Variants in NSMCE2 observed in about 807,000 individuals in gnomAD.
The protein encoded by NSMCE2 is NSE2 SUMO ligase component of SMC5/6 complex.
In NSMCE2, 24 loss-of-function variants were observed where a neutral mutation model predicts 23.8. The observed-to-expected ratio is 1.01, with a 90% CI of 0.73 to 1.42. The LOEUF is 1.42. Among genes scored for constraint, NSMCE2 ranks in the 40% most tolerant of loss-of-function variants. NSMCE2 has a pLI of 0.00. For missense variants in NSMCE2, 284 were observed against 296.5 expected, an observed-to-expected ratio of 0.96 and a Z score of 0.31; for synonymous variants, 92 against 94.1, an observed-to-expected ratio of 0.98 and a Z score of 0.13.
chr8:125,210,696 CCCCAGGT>C (rs1824293150), intron 5 of NSMCE2, among the ~76,000 whole-genome samples: 1 of 151,806 alleles, frequency 6.6e-6, no homozygotes, highest in Non-Finnish European at 1.5e-5. Context: ...GCCATCTCTT[CCCCAGGT>C]TGATTTCTTT....
chr8:125,359,312 T>C (rs1813424032), intron 7 of NSMCE2, among the ~76,000 whole-genome samples: 1 of 147,594 alleles, frequency 6.8e-6, no homozygotes, highest in Non-Finnish European at 1.5e-5. Flanking sequence ...TTAAATGGCA[T>C]GCTTTCTTGC....
intron 5 of NSMCE2, among the ~76,000 whole-genome samples, chr8:125,201,157 G>C (rs982974783): frequency 6.6e-6 from 1 of 152,196 alleles, no homozygotes; most frequent in Non-Finnish European, 1.5e-5. Flanking sequence ...CTGACCTTCT[G>C]AAGCCTACTT....
intron 3 of NSMCE2, among the ~76,000 whole-genome samples, chr8:125,140,591 G>A (rs973666665): frequency 1.3e-5 from 2 of 152,060 alleles, no homozygotes; most frequent in Admixed American, 6.6e-5. Flanking sequence ...AGAGGTTGCA[G>A]TGAGCCGAGA....
chr8:125,365,654 G>A (rs1389172203), intron 7 of NSMCE2, among the ~76,000 whole-genome samples: 3 of 151,944 alleles, frequency 2.0e-5, no homozygotes, highest in Admixed American at 6.6e-5. Flanking sequence ...TCAGGAGTTC[G>A]AGACCAGCCT....
At chr8:125,268,379 T>TA (rs1409086708) in intron 5 of NSMCE2, among the ~76,000 whole-genome samples, 4 of 151,520 alleles carry the variant, frequency 2.6e-5, no homozygotes, top group Admixed American at 6.6e-5. Flanking sequence ...AGAAAGAAGT[T>TA]AAAAAAAAGA....
intron 5 of NSMCE2, among the ~76,000 whole-genome samples, chr8:125,240,762 C>G (rs192383025): frequency 1.8e-3 from 275 of 151,906 alleles, no homozygotes; most frequent in Non-Finnish European, 3.0e-3. Context: ...CCTGTCTAAT[C>G]AAGTAAACAC....
chr8:125,313,976 A>G (rs1057070302), intron 5 of NSMCE2, among the ~76,000 whole-genome samples: 4 of 152,226 alleles, frequency 2.6e-5, no homozygotes, highest in Non-Finnish European at 5.9e-5. Context: ...ACTTTAGGCT[A>G]TCTGGCATTT....
At chr8:125,317,178 G>C (rs182320205) in intron 5 of NSMCE2, among the ~76,000 whole-genome samples, 243 of 151,782 alleles carry the variant, frequency 1.6e-3, no homozygotes, top group African/African-American at 5.7e-3. Flanking sequence ...ATGATTTAAA[G>C]TCAGTGGTTT....
At chr8:125,154,630 T>C (rs1821214876) in intron 4 of NSMCE2, among the ~76,000 whole-genome samples, 1 of 152,124 alleles carries the variant, frequency 6.6e-6, no homozygotes, top group African/African-American at 2.4e-5. Context: ...TCAGGTTAAA[T>C]GGGTTTTATA....
At chr8:125,176,826 G>T (rs143100484) in intron 4 of NSMCE2, among the ~76,000 whole-genome samples, 1 of 152,282 alleles carries the variant, frequency 6.6e-6, no homozygotes, top group African/African-American at 2.4e-5. Flanking sequence ...AGCAGACATC[G>T]GCAGCTGAGT....
chr8:125,217,267 C>G (rs1824630480), intron 5 of NSMCE2, among the ~76,000 whole-genome samples: 1 of 152,138 alleles, frequency 6.6e-6, no homozygotes, highest in South Asian at 2.1e-4. Context: ...TGAATCTCCA[C>G]TGTAATTTTC....
chr8:125,347,715 G>A (rs577142702), intron 5 of NSMCE2, among the ~76,000 whole-genome samples: 2 of 152,286 alleles, frequency 1.3e-5, no homozygotes, highest in East Asian at 3.9e-4. Context: ...TATAGACAGT[G>A]GATATTATGA....
chr8:125,212,200 C>T lies in NSMCE2; in HGVS notation c.418+29944C>T, dbSNP rs116369510. Among the ~76,000 whole-genome samples, 283 of 152,266 alleles carry T rather than the reference C, an allele frequency of 1.9e-3. 2 individuals carry two copies. Among genetic ancestry groups the T allele is most frequent in the African/African-American group, 6.4e-3 (264 of 41,524 alleles). On this transcript the variant is annotated intron_variant, in intron 5 of 7. Transcript: ENST00000287437. ...GTGTTCAAACTCAGGCTCTTTGCTA[C>T]CGACTTTTACCTTGTTAGCAAGGCG... is the stretch of plus-strand genomic sequence containing the variant.
intron 4 of NSMCE2, among the ~76,000 whole-genome samples, chr8:125,178,687 G>A (rs1007716328): frequency 1.2e-4 from 18 of 152,048 alleles, no homozygotes; most frequent in Admixed American, 3.9e-4. Context: ...TGGCTAACAC[G>A]GTGAAACCCC....
intron 3 of NSMCE2, among the ~76,000 whole-genome samples, chr8:125,129,740 C>T (rs1819668205): frequency 1.3e-5 from 2 of 152,100 alleles, no homozygotes; most frequent in Admixed American, 6.6e-5. Context: ...AACTTCATCT[C>T]TTTTTGCAGT....
Position 125,260,849 on chromosome 8 carries a change from C to T in NSMCE2, c.418+78593C>T, listed in dbSNP as rs552094827. ...ATGTTGGCCAGGCTGATCTTTAACT[C>T]CTGACCTCAGGTGATCCACCTGCCT... is the stretch of plus-strand genomic sequence containing the variant. On this transcript the variant is annotated intron_variant, in intron 5 of 7. Coordinates refer to ENST00000287437, the MANE Select transcript of NSMCE2 (RefSeq NM_173685.4). Among the ~76,000 whole-genome samples, 13 of 152,024 alleles carry T rather than the reference C, an allele frequency of 8.6e-5. No homozygotes were observed. The East Asian group carries it at 2.3e-3, about 27-fold the overall frequency.
Position 125,102,126 on chromosome 8 carries a change from C to T in NSMCE2, c.-35C>T. Reference sequence around the variant, plus strand: ...ACTTACCTTCCCCATATATTGAGTCCAGCTGTGTTTGGTGGCCCAGGTGAG... The same window carrying T: ...ACTTACCTTCCCCATATATTGAGTCTAGCTGTGTTTGGTGGCCCAGGTGAG... On this transcript the variant is annotated 5_prime_UTR_variant, in exon 2 of 8. Transcript: ENST00000287437. The T allele has an allele frequency of 1.9e-6, 1 of 526,644 alleles. No individual in the cohort carries two copies. The allele number at this position is 526,644 out of a possible 1,614,324, so 32.6% of individuals were successfully genotyped here.
chr8:125,260,476 G>A (rs1351381740), intron 5 of NSMCE2, among the ~76,000 whole-genome samples: 1 of 150,210 alleles, frequency 6.7e-6, no homozygotes, highest in Non-Finnish European at 1.5e-5. Flanking sequence ...ACTAGATCTG[G>A]GTTCTAGCCC....
intron 4 of NSMCE2, among the ~76,000 whole-genome samples, chr8:125,166,582 A>T (rs1031114806): frequency 6.6e-6 from 1 of 152,140 alleles, no homozygotes. Context: ...TAGATTTTTT[A>T]AAATGGATGC....
Sources: allele counts gnomAD v4.1 joint callset (sites outside exome capture counted in the v4.1 genomes callset), GRCh38; gene constraint gnomAD v4.1.1; transcripts MANE v1.5; gene names NCBI Gene and HGNC (gene_info 2026-07-23, HGNC 2026-07-21).